TRIO: variants seen among roughly 807,000 people sequenced by gnomAD.
TRIO encodes trio Rho guanine nucleotide exchange factor.
A neutral mutation model predicts 351.9 loss-of-function variants in TRIO; 58 were observed. That is an observed-to-expected ratio of 0.16 (90% CI 0.13 to 0.21). The LOEUF is 0.21. Among genes scored for constraint, TRIO ranks in the 10% least tolerant of loss-of-function variants. The pLI, the probability that TRIO is intolerant of heterozygous loss-of-function variation, is 1.00. For missense variants in TRIO, 3,201 were observed against 4,027.8 expected, an observed-to-expected ratio of 0.79 and a Z score of 5.56; for synonymous variants, 1,758 against 1,595.7, an observed-to-expected ratio of 1.10 and a Z score of -2.42.
At chr5:14,443,071 G>T (rs1752188640) in intron 34 of TRIO, among the ~76,000 whole-genome samples, 1 of 152,090 alleles carries the variant, frequency 6.6e-6, no homozygotes, top group African/African-American at 2.4e-5. Context: ...CTTCTCAAGG[G>T]ACATTATTAA....
intron 1 of TRIO, among the ~76,000 whole-genome samples, chr5:14,239,177 G>A (rs1372743829): frequency 6.6e-6 from 1 of 152,048 alleles, no homozygotes; most frequent in Non-Finnish European, 1.5e-5. Context: ...GAATATATAA[G>A]TGGTATTCTG....
chr5:14,497,147 T>C lies in TRIO; in HGVS notation c.8019+130T>C. ...CCTCCCACCCACCAGCCCCGTGCCC[T>C]GCGTGTCCTGTAGGGTCTTGTTAGG... On this transcript the variant is annotated intron_variant, in intron 50 of 56. Transcript: ENST00000344204. This position sits in a 1 kb window ranked among gnomAD's most constrained non-coding sequence, Gnocchi z 4.4. 1 of 1,354,178 alleles carries C rather than the reference T, an allele frequency of 7.4e-7. No individual in the cohort carries two copies. Among genetic ancestry groups the C allele is most frequent in the Non-Finnish European group, 9.9e-7 (1 of 1,007,678 alleles). The allele number at this position is 1,354,178 out of a possible 1,614,324, so 83.9% of individuals were successfully genotyped here. A position where few individuals can be genotyped will look rare whatever the true frequency, so the allele number is the denominator to read the frequency against.
intron 2 of TRIO, among the ~76,000 whole-genome samples, chr5:14,272,842 G>A (rs1581498745): frequency 6.6e-6 from 1 of 152,326 alleles, no homozygotes; most frequent in African/African-American, 2.4e-5. Context: ...ATAAAATTAA[G>A]TAGAAATTGA....
At chr5:14,287,540 G>C (rs901900237) in intron 4 of TRIO, among the ~76,000 whole-genome samples, 1 of 152,188 alleles carries the variant, frequency 6.6e-6, no homozygotes, top group African/African-American at 2.4e-5. Flanking sequence ...TGAAAATGGA[G>C]ATAGTGTGTT....
chr5:14,388,814 C>A (rs1579508296), intron 24 of TRIO, 135 bp downstream of exon 24: 1 of 1,018,650 alleles, frequency 9.8e-7, no homozygotes, highest in Non-Finnish European at 1.4e-6. Flanking sequence ...GTAAAGTATG[C>A]TTCAGCAGCC....
intron 16 of TRIO, among the ~76,000 whole-genome samples, chr5:14,367,606 T>G (rs1016706369): frequency 2.0e-4 from 30 of 152,198 alleles, no homozygotes; most frequent in African/African-American, 7.0e-4. Context: ...ACTAATTATT[T>G]TTATTTTTTG....
chr5:14,182,927 C>T (rs745309464), intron 1 of TRIO, among the ~76,000 whole-genome samples: 2 of 150,300 alleles, frequency 1.3e-5, no homozygotes, highest in African/African-American at 2.5e-5. Context: ...CAGGCATTTG[C>T]GTGCCCCTGC....
intron 34 of TRIO, among the ~76,000 whole-genome samples, chr5:14,444,067 A>C (rs1752260130): frequency 6.9e-6 from 1 of 145,042 alleles, no homozygotes; most frequent in Non-Finnish European, 1.5e-5. Context: ...TAATTCTTGA[A>C]TTCTCTTGAA....
chr5:14,200,614 G>T lies in TRIO; in HGVS notation c.157+56732G>T, dbSNP rs534426324. On this transcript the variant is annotated intron_variant, in intron 1 of 56. Coordinates refer to ENST00000344204, the MANE Select transcript of TRIO (RefSeq NM_007118.4). Reference sequence around the variant, plus strand: ...ACCTGGATTGACCTGGAAATTGGTGGACTGAACCTGCAAGTAGAGATTAAA... The same window carrying T: ...ACCTGGATTGACCTGGAAATTGGTGTACTGAACCTGCAAGTAGAGATTAAA... Among the ~76,000 whole-genome samples the T allele has an allele frequency of 2.0e-5, 3 of 152,312 alleles. No individual in the cohort carries two copies. The South Asian group carries it at 6.2e-4, about 32-fold the overall frequency.
At chr5:14,403,358 G>T (rs1748315548) in intron 31 of TRIO, among the ~76,000 whole-genome samples, 1 of 82,452 alleles carries the variant, frequency 1.2e-5, no homozygotes, top group Admixed American at 1.2e-4. Flanking sequence ...GCTTGTGAGG[G>T]TGCAGGTTGT....
At chr5:14,180,086 G>T (rs2582328) in intron 1 of TRIO, among the ~76,000 whole-genome samples, 41 of 114,760 alleles carry the variant, frequency 3.6e-4, no homozygotes, top group African/African-American at 1.4e-3. Flanking sequence ...GGGTGACAGA[G>T]CAGGACTCCT....
Position 14,286,931 on chromosome 5 carries a change from C to T in TRIO, c.408C>T (p.Asp136=), listed in dbSNP as rs1165359138. The change falls in exon 4 of 57, where the codon GAC becomes GAT. Residue 136 remains aspartate (D), a synonymous_variant. Transcript: ENST00000344204. This position sits in a 1 kb window ranked among gnomAD's most constrained non-coding sequence, Gnocchi z 4.4. The stretch of plus-strand genomic sequence containing the variant: ...TGGACATGCGTGGGTCCAAGTGGGA[C>T]TCCATCAAGCCCCTTCTGAAGATCC... ...VIVDMRGSKW[D]SIKPLLKILQ... 6.2e-7 allele frequency: 1 copy of T among 1,614,142 alleles called. No homozygotes were observed. The highest frequency in any genetic ancestry group is 1.1e-5 in the South Asian group (1 of 91,080).
intron 34 of TRIO, among the ~76,000 whole-genome samples, chr5:14,443,016 G>A (rs1752184468): frequency 1.3e-5 from 2 of 152,200 alleles, no homozygotes; most frequent in South Asian, 4.1e-4. Flanking sequence ...TCTTTCTGTA[G>A]AGGGAATTTT....
intron 33 of TRIO, among the ~76,000 whole-genome samples, chr5:14,417,565 A>T (rs1329603015): frequency 6.6e-6 from 1 of 152,140 alleles, no homozygotes. Context: ...GACTCCCAAC[A>T]GGAATGTTTC....
intron 1 of TRIO, among the ~76,000 whole-genome samples, chr5:14,249,395 G>T (rs77168331): frequency 1.3e-5 from 2 of 152,178 alleles, no homozygotes; most frequent in Admixed American, 6.5e-5. Context: ...TGAGTGGAGT[G>T]GGGGAGGGAG....
At chr5:14,492,372 A>G (rs1429958765) in intron 48 of TRIO, 195 bp from the exon 49 acceptor site, 1 of 697,008 alleles carries the variant, frequency 1.4e-6, no homozygotes, top group Non-Finnish European at 2.3e-6. Flanking sequence ...TAGAGAAATT[A>G]CATTTTCAGT....
chr5:14,504,166 C>T (rs992405309), intron 54 of TRIO, among the ~76,000 whole-genome samples: 1 of 152,228 alleles, frequency 6.6e-6, no homozygotes, highest in African/African-American at 2.4e-5. Context: ...CGTGAGGAGA[C>T]CAAGGCTGCC....
rs35758011 is a variant in TRIO at position 14,416,295 on chromosome 5, GT to G, written c.4960-3471del. Among the ~76,000 whole-genome samples the G allele has an allele frequency of 2.2e-3, 317 of 146,326 alleles. 4 individuals are homozygous for G. The highest frequency in any genetic ancestry group is 6.2e-3 in the African/African-American group (244 of 39,644). On this transcript the variant is annotated intron_variant, in intron 33 of 56. Transcript: ENST00000344204. ...TCACAAGTCTTTTGTACACAGAAAA[GT>G]TTTTTTTTTTTAATTAGCAAACCTG...
intron 3 of TRIO, among the ~76,000 whole-genome samples, chr5:14,284,194 A>G (rs959129420): frequency 2.6e-5 from 4 of 152,120 alleles, no homozygotes; most frequent in Non-Finnish European, 5.9e-5. Flanking sequence ...CCTTATTTTT[A>G]TGTGAACTTT....
Sources: allele counts gnomAD v4.1 joint callset (sites outside exome capture counted in the v4.1 genomes callset), GRCh38; gene constraint gnomAD v4.1.1; non-coding constraint Gnocchi (gnomAD v3.1); transcripts MANE v1.5; gene names NCBI Gene and HGNC (gene_info 2026-07-23, HGNC 2026-07-21).